The following CLSTN2 variants were observed in gnomAD, a reference collection of about 807,000 sequenced individuals.
CLSTN2 encodes calsyntenin-2.
In CLSTN2, 48 loss-of-function variants were observed where a neutral mutation model predicts 101.2. That is an observed-to-expected ratio of 0.47 (90% CI 0.38 to 0.60). The LOEUF is 0.60. Ranked by LOEUF, CLSTN2 falls within the 20% of genes least tolerant of loss-of-function variation. CLSTN2 has a pLI of 0.00. For missense variants in CLSTN2, 1,160 were observed against 1,238.2 expected (o/e 0.94, Z 0.95); for synonymous variants, 481 against 463.6 (o/e 1.04, Z -0.48).
At chr3:140,204,881 T>C (rs1228505618) in intron 2 of CLSTN2, among the ~76,000 whole-genome samples, 1 of 152,198 alleles carries the variant, frequency 6.6e-6, no homozygotes, top group African/African-American at 2.4e-5. Context: ...ATTCTGGCTA[T>C]ATGAGGCCAC....
intron 2 of CLSTN2, among the ~76,000 whole-genome samples, chr3:140,346,751 G>A (rs1010867705): frequency 4.6e-5 from 7 of 152,154 alleles, no homozygotes; most frequent in African/African-American, 1.4e-4. Context: ...GTGCGCCCCT[G>A]CAAAAATGAG....
chr3:140,119,280 T>C (rs761648560), intron 1 of CLSTN2, among the ~76,000 whole-genome samples: 4 of 152,178 alleles, frequency 2.6e-5, no homozygotes, highest in Non-Finnish European at 5.9e-5. Context: ...CAACCAGTAA[T>C]TGGTAATGAG....
chr3:140,459,421 T>C, intron 6 of CLSTN2, 100 bp from the exon 7 acceptor site: 1 of 1,374,626 alleles, frequency 7.3e-7, no homozygotes, highest in Admixed American at 1.8e-5. Flanking sequence ...CAGACGTCTC[T>C]GAGTAAGTAC....
chr3:140,096,163 C>A (rs2008865571), intron 1 of CLSTN2, among the ~76,000 whole-genome samples: 1 of 152,176 alleles, frequency 6.6e-6, no homozygotes, highest in African/African-American at 2.4e-5. Flanking sequence ...TCATGCCTTC[C>A]TGATCCTGAA....
intron 1 of CLSTN2, among the ~76,000 whole-genome samples, chr3:140,135,151 T>C (rs1454685016): frequency 3.0e-5 from 4 of 132,798 alleles, no homozygotes; most frequent in Admixed American, 1.5e-4. Flanking sequence ...TATATATATA[T>C]ATATATATAT....
At chr3:140,015,741 G>A (rs978667363) in intron 1 of CLSTN2, among the ~76,000 whole-genome samples, 8 of 152,348 alleles carry the variant, frequency 5.3e-5, no homozygotes, top group South Asian at 2.1e-4. Context: ...CCTAGGGCCC[G>A]ATGATCAGGC....
chr3:140,399,995 T>C (rs1244366231), intron 2 of CLSTN2, among the ~76,000 whole-genome samples: 5 of 151,944 alleles, frequency 3.3e-5, no homozygotes, highest in Non-Finnish European at 7.4e-5. Flanking sequence ...AGTCGTCTGA[T>C]CTTCCCTTTT....
At chr3:140,201,255 A>G (rs2010714810) in intron 2 of CLSTN2, among the ~76,000 whole-genome samples, 1 of 152,152 alleles carries the variant, frequency 6.6e-6, no homozygotes, top group Non-Finnish European at 1.5e-5. Flanking sequence ...GATTCTCGAA[A>G]TAGCCATTGG....
chr3:140,488,255 C>T (rs1210999415), intron 8 of CLSTN2, among the ~76,000 whole-genome samples: 1 of 152,144 alleles, frequency 6.6e-6, no homozygotes. Context: ...AATGAACAAA[C>T]ATATTTCAGG....
intron 2 of CLSTN2, among the ~76,000 whole-genome samples, chr3:140,182,304 A>T (rs1347111873): frequency 1.3e-5 from 2 of 151,316 alleles, no homozygotes; most frequent in African/African-American, 4.9e-5. Flanking sequence ...ACACCAAATT[A>T]AAAAAAAAGT....
rs1045244739 is a variant in CLSTN2, at chr3:140,043,832, T to C, written c.109+108349T>C. Among the ~76,000 whole-genome samples, 12 of 152,232 alleles carry C rather than the reference T, an allele frequency of 7.9e-5. 1 individual carries two copies. The highest frequency in any genetic ancestry group is 5.9e-4 in the Admixed American group (9 of 15,274). ...TCAGGTTTGTCAAAGATCAGATGTT[T>C]GTAGATGTGTGGTATTATTTCTGAG... On this transcript the variant is annotated intron_variant, in intron 1 of 16. Coordinates refer to ENST00000458420, the MANE Select transcript of CLSTN2 (RefSeq NM_022131.3).
chr3:140,081,303 G>A (rs1287247053), intron 1 of CLSTN2, among the ~76,000 whole-genome samples: 4 of 152,174 alleles, frequency 2.6e-5, no homozygotes, highest in African/African-American at 9.7e-5. Context: ...AGTATTGACA[G>A]CAATGGAAAG....
chr3:140,383,855 C>T (rs1433740002), intron 2 of CLSTN2, among the ~76,000 whole-genome samples: 1 of 152,160 alleles, frequency 6.6e-6, no homozygotes, highest in East Asian at 1.9e-4. Context: ...ATGAAGCATC[C>T]TATTAGCATT....
chr3:140,399,540 A>G (rs536591664), intron 2 of CLSTN2, among the ~76,000 whole-genome samples: 1 of 152,346 alleles, frequency 6.6e-6, no homozygotes, highest in East Asian at 1.9e-4. Context: ...CTATTATGCA[A>G]TGTCCATTTT....
intron 8 of CLSTN2, among the ~76,000 whole-genome samples, chr3:140,494,225 A>T (rs537748251): frequency 2.0e-4 from 31 of 152,288 alleles, no homozygotes; most frequent in African/African-American, 7.5e-4. Flanking sequence ...CACCTCCTTC[A>T]AGGGTTCATC....
At chr3:140,534,010 G>T (rs1328488733) in intron 9 of CLSTN2, among the ~76,000 whole-genome samples, 1 of 152,154 alleles carries the variant, frequency 6.6e-6, no homozygotes, top group Non-Finnish European at 1.5e-5. Flanking sequence ...GTAGAGCTTG[G>T]CAATGAGAGT....
At chr3:139,951,896 C>A (rs573576341) in intron 1 of CLSTN2, among the ~76,000 whole-genome samples, 1 of 152,166 alleles carries the variant, frequency 6.6e-6, no homozygotes, top group South Asian at 2.1e-4. Context: ...AAAAATTATT[C>A]CTTAATTTTC....
At chr3:140,030,734 GC>G (rs1294395887) in intron 1 of CLSTN2, among the ~76,000 whole-genome samples, 1 of 152,172 alleles carries the variant, frequency 6.6e-6, no homozygotes, top group African/African-American at 2.4e-5. Context: ...AGATAATTTA[GC>G]TGAAATGAAA....
At chr3:139,996,845 C>G (rs2006674744) in intron 1 of CLSTN2, among the ~76,000 whole-genome samples, 3 of 151,826 alleles carry the variant, frequency 2.0e-5, no homozygotes, top group African/African-American at 7.3e-5. Context: ...GTCAGGAGTT[C>G]AAGATCAGCC....
Sources: gnomAD v4.1 joint callset for allele counts (sites outside exome capture counted in the v4.1 genomes callset) on GRCh38, gnomAD v4.1.1 for gene constraint, MANE v1.5 for transcripts, NCBI Gene and HGNC (gene_info 2026-07-23, HGNC 2026-07-21) for gene names.